The following GREP1 variants were observed in gnomAD, a reference collection of about 807,000 sequenced individuals.
GREP1 encodes glycine-rich extracellular protein 1.
In GREP1 at chr16:3,001,354, G is replaced by C; in HGVS notation, c.1585+20G>C. On this transcript the variant is annotated intron_variant, in intron 34 of 34. Transcript: ENST00000573315. ...ACGGAGGTGAGAGGGAGGCGCAATG[G>C]CCGAGCCGCCTGCCCAAAGGCCCCC... The C allele has an allele frequency of 2.5e-6, 1 of 399,164 alleles. No individual in the cohort carries two copies. The allele number at this position is 399,164 out of a possible 1,614,324, so 24.7% of individuals were successfully genotyped here. A position where few individuals can be genotyped will look rare whatever the true frequency, so the allele number is the denominator to read the frequency against.
intron 15 of GREP1, 108 bp from the exon 16 acceptor site, chr16:2,995,511 G>T (rs980201839): frequency 1.5e-5 from 6 of 398,646 alleles, no homozygotes; most frequent in African/African-American, 1.2e-4. Flanking sequence ...CTCATGGGGG[G>T]CTGAGCTGGT....
chr16:2,997,495 C>G (rs2151106003), intron 22 of GREP1: 1 of 398,710 alleles, frequency 2.5e-6, no homozygotes, highest in Non-Finnish European at 4.4e-6. Context: ...TGACCCTGTA[C>G]TGAGGGTTTT....
At chr16:2,997,021 G>C (rs954357494) in exon 21 of GREP1, 20 of 399,062 alleles carry the variant, frequency 5.0e-5, no homozygotes, top group South Asian at 2.5e-4. Flanking sequence ...GGAGGCCTTG[G>C]GTCCCTCACT....
exon 21 of GREP1, chr16:2,997,062 G>A (rs2072428733): frequency 1.0e-5 from 4 of 399,058 alleles, no homozygotes; most frequent in East Asian, 7.1e-5. Context: ...GGCTATTTGG[G>A]GGTTATGAAG....
chr16:2,990,083 C>A lies in GREP1; in HGVS notation c.164-4C>A, dbSNP rs748966776. 5.5e-5 allele frequency: 22 copies of A among 399,302 alleles called. No individual in the cohort carries two copies. The highest frequency in any genetic ancestry group is 6.2e-4 in the Middle Eastern group (1 of 1,618). The allele number at this position is 399,302 out of a possible 1,614,324, so 24.7% of individuals were successfully genotyped here. ...TCCTCACCTCACCTCATCTGTCTCT[C>A]CAGGATTCGTGGTCAGGCATGGGCT... On this transcript the variant is annotated splice_polypyrimidine_tract_variant and splice_region_variant and intron_variant, in intron 4 of 34. Coordinates refer to ENST00000573315, the Ensembl canonical transcript of GREP1.
At chr16:2,990,971 A>C in intron 7 of GREP1, 77 bp from the exon 7 acceptor site, 1 of 399,042 alleles carries the variant, frequency 2.5e-6, no homozygotes, top group East Asian at 3.6e-5. Flanking sequence ...CCCAGTGTCC[A>C]CTTCCCACCC....
chr16:2,999,006 G>C (rs2072443575), intron 26 of GREP1, 27 bp downstream of exon 24: 1 of 399,014 alleles, frequency 2.5e-6, no homozygotes, highest in African/African-American at 2.1e-5. Context: ...GGTGCCTAGG[G>C]GGCACTGGGA....
At chr16:2,999,125 G>A (rs1367393402) in intron 26 of GREP1, 146 bp downstream of exon 24, 2 of 398,622 alleles carry the variant, frequency 5.0e-6, no homozygotes, top group South Asian at 1.3e-4. Context: ...CTGCTGAGGA[G>A]AAGCCTGAAC....
intron 18 of GREP1, 58 bp from the exon 18 acceptor site, chr16:2,996,438 C>T (rs560795050): frequency 2.5e-6 from 1 of 398,640 alleles, no homozygotes; most frequent in South Asian, 1.3e-4. Flanking sequence ...AGGGCTGCGT[C>T]CTCCTGACAC....
intron 26 of GREP1, chr16:2,999,223 T>G (rs1202275850): frequency 1.0e-5 from 4 of 398,600 alleles, no homozygotes; most frequent in Non-Finnish European, 1.8e-5. Context: ...AGCCCTCGGC[T>G]GGGCTCACTC....
In GREP1 at chr16:2,991,088, C is replaced by T. The variant is rs977285172; in HGVS notation, c.309C>T (p.Ala103=). 1.8e-5 allele frequency: 7 copies of T among 398,992 alleles called. No individual in the cohort carries two copies. The highest frequency in any genetic ancestry group is 3.6e-5 in the East Asian group (1 of 28,046). The allele number at this position is 398,992 out of a possible 1,614,324, so 24.7% of individuals were successfully genotyped here. The change falls in exon 8 of 35, where the codon GCC becomes GCT. Residue 103 remains alanine (A), a synonymous_variant. Coordinates refer to ENST00000573315, the Ensembl canonical transcript of GREP1. The surrounding 1 kb of genome is among the most constrained non-coding windows in gnomAD (Gnocchi z 4.9). The stretch of plus-strand genomic sequence containing the variant: ...TGGGAGCAGCGGCCTTCCCAGTGGC[C>T]GGAGCCCAGTCAGGTGAGGAAACGT...
At chr16:2,994,620 T>C in intron 10 of GREP1, 78 bp from the exon 12 acceptor site, 1 of 398,402 alleles carries the variant, frequency 2.5e-6, no homozygotes, top group Non-Finnish European at 4.4e-6. Flanking sequence ...AAGTTGGGGG[T>C]GGGGACACCC....
chr16:2,995,519 G>A (rs1567397874), intron 15 of GREP1, 100 bp from the exon 16 acceptor site: 1 of 398,688 alleles, frequency 2.5e-6, no homozygotes, highest in Non-Finnish European at 4.4e-6. Context: ...GGGCTGAGCT[G>A]GTGAATAACT....
At chr16:3,000,330 T>C in exon 30 of GREP1, 1 of 399,310 alleles carries the variant, frequency 2.5e-6, no homozygotes. Context: ...AGCCAGGGTC[T>C]TCCCCGAGGC....
chr16:2,995,649 G>C, exon 16 of GREP1: 1 of 398,808 alleles, frequency 2.5e-6, no homozygotes, highest in Non-Finnish European at 4.4e-6. Flanking sequence ...TTTGGATTTG[G>C]AGCAGGTAGG....
intron 29 of GREP1, 93 bp downstream of exon 26, chr16:3,000,211 T>G (rs2072452704): frequency 5.0e-6 from 2 of 399,402 alleles, no homozygotes; most frequent in South Asian, 2.5e-4. Context: ...CCCCTGTCTA[T>G]GAGCTGGTCA....
intron 26 of GREP1, 132 bp downstream of exon 24, chr16:2,999,111 T>C: frequency 2.5e-6 from 1 of 398,596 alleles, no homozygotes; most frequent in Non-Finnish European, 4.4e-6. Context: ...TGTCACACAG[T>C]GATCTGCTGA....
intron 10 of GREP1, 172 bp from the exon 12 acceptor site, chr16:2,994,524 AAG>A: frequency 5.0e-6 from 2 of 396,660 alleles, no homozygotes. Flanking sequence ...AAATAAAAAA[AAG>A]AGCTCAGACC....
Position 2,989,517 on chromosome 16 carries a change from C to T in GREP1, c.101-6C>T. Reference sequence around the variant, plus strand: ...CCCCGGGCTCAACATCTCACTTCTCCCACAGTCTATGGCCCCCACAGTGGC... The same window carrying T: ...CCCCGGGCTCAACATCTCACTTCTCTCACAGTCTATGGCCCCCACAGTGGC... On this transcript the variant is annotated splice_polypyrimidine_tract_variant and splice_region_variant and intron_variant, in intron 2 of 34. Coordinates refer to ENST00000573315, the Ensembl canonical transcript of GREP1. The surrounding 1 kb of genome is among the most constrained non-coding windows in gnomAD (Gnocchi z 4.2). The T allele has an allele frequency of 5.0e-6, 2 of 399,280 alleles. No homozygotes were observed. Among genetic ancestry groups the T allele is most frequent in the Non-Finnish European group, 8.8e-6 (2 of 226,236 alleles). The allele number at this position is 399,280 out of a possible 1,614,324, so 24.7% of individuals were successfully genotyped here.
Sources: allele counts gnomAD v4.1 joint callset, GRCh38; gene constraint gnomAD v4.1.1; non-coding constraint Gnocchi (gnomAD v3.1); transcripts MANE v1.5; gene names NCBI Gene and HGNC (gene_info 2026-07-23, HGNC 2026-07-21).